CDH4: variants seen among roughly 807,000 people sequenced by gnomAD.
CDH4 encodes the protein cadherin 4.
CDH4 carries 33 observed loss-of-function variants against 86.0 expected under a neutral mutation model. The observed-to-expected ratio is 0.38, with a 90% CI of 0.29 to 0.51. CDH4 has a LOEUF of 0.51. CDH4 is among the 20% of genes least tolerant of loss of function. The pLI is 0.86. For missense variants in CDH4, 1,114 were observed against 1,307.4 expected (o/e 0.85, Z 2.28); for synonymous variants, 555 against 549.4 (o/e 1.01, Z -0.14).
intron 2 of CDH4, among the ~76,000 whole-genome samples, chr20:61,381,364 A>G (rs2084899946): frequency 6.6e-6 from 1 of 152,264 alleles, no homozygotes; most frequent in Non-Finnish European, 1.5e-5. Flanking sequence ...GCAGAAAATC[A>G]TAGACAGCTG....
chr20:61,391,395 C>T (rs2084984817), intron 2 of CDH4, among the ~76,000 whole-genome samples: 2 of 152,104 alleles, frequency 1.3e-5, no homozygotes, highest in African/African-American at 4.8e-5. Context: ...GGGTGACCTG[C>T]TAGCCAGGGC....
intron 2 of CDH4, among the ~76,000 whole-genome samples, chr20:61,541,045 A>G (rs2086035666): frequency 6.6e-6 from 1 of 152,202 alleles, no homozygotes; most frequent in Non-Finnish European, 1.5e-5. Context: ...CCCATTGCTA[A>G]CTAAAATAGC....
At position 61,506,477 on chromosome 20, in the gene CDH4, A is replaced by G. The variant is rs1279909919; in HGVS notation, c.170-237086A>G. On this transcript the variant is annotated intron_variant, in intron 2 of 15. Transcript: ENST00000614565. Reference sequence around the variant, plus strand: ...TGAAGAATACGCTACTGAATACATTACATCGTATCCACATTATTATTATTT... The same window carrying G: ...TGAAGAATACGCTACTGAATACATTGCATCGTATCCACATTATTATTATTT... Among the ~76,000 whole-genome samples the G allele has an allele frequency of 3.9e-5, 6 of 152,274 alleles. No homozygotes were observed. The East Asian group carries it at 1.2e-3, about 29-fold the overall frequency.
At chr20:61,693,018 G>A (rs1018797324) in intron 2 of CDH4, among the ~76,000 whole-genome samples, 18 of 152,136 alleles carry the variant, frequency 1.2e-4, no homozygotes, top group African/African-American at 4.3e-4. Context: ...GCCCCGGGAT[G>A]GAGAGGAGGG....
At chr20:61,260,800 A>G (rs1364814361) in intron 2 of CDH4, among the ~76,000 whole-genome samples, 1 of 152,202 alleles carries the variant, frequency 6.6e-6, no homozygotes, top group African/African-American at 2.4e-5. Context: ...GGTTTCCAGC[A>G]GCTTTTCCCT....
intron 2 of CDH4, among the ~76,000 whole-genome samples, chr20:61,436,029 C>T (rs2085279691): frequency 6.6e-6 from 1 of 152,146 alleles, no homozygotes; most frequent in Non-Finnish European, 1.5e-5. Context: ...TTTGCACATG[C>T]TCTTCCTGCT....
In CDH4 at chr20:61,617,205, A is replaced by G. The variant is rs1264125615; in HGVS notation, c.170-126358A>G. Among the ~76,000 whole-genome samples the G allele has an allele frequency of 2.6e-5, 4 of 152,054 alleles. No individual in the cohort carries two copies. The East Asian group carries it at 7.7e-4, about 29-fold the overall frequency. On this transcript the variant is annotated intron_variant, in intron 2 of 15. Coordinates refer to ENST00000614565, the MANE Select transcript of CDH4 (RefSeq NM_001794.5). The stretch of plus-strand genomic sequence containing the variant: ...CAGAACATGCAGCCTGTCTGAACCC[A>G]TACTTCCCACGCTGTGTCGTGTCTG...
chr20:61,687,111 G>A (rs2087591052), intron 2 of CDH4, among the ~76,000 whole-genome samples: 1 of 152,212 alleles, frequency 6.6e-6, no homozygotes, highest in Non-Finnish European at 1.5e-5. Context: ...GCCCTGGCCA[G>A]TCCCTCAGAC....
chr20:61,906,457 C>T (rs2054789215), intron 8 of CDH4, among the ~76,000 whole-genome samples: 1 of 152,258 alleles, frequency 6.6e-6, no homozygotes, highest in South Asian at 2.1e-4. Flanking sequence ...CATGGTCCTG[C>T]TCAACCCTCC....
chr20:61,317,512 C>T (rs146464659), intron 2 of CDH4, among the ~76,000 whole-genome samples: 298 of 152,258 alleles, frequency 2.0e-3, no homozygotes, highest in African/African-American at 6.7e-3. Flanking sequence ...TCCCAGCTCA[C>T]GTGCCTGCCA....
In CDH4 at chr20:61,697,062, T is replaced by C. The variant is rs139054396; in HGVS notation, c.170-46501T>C. On this transcript the variant is annotated intron_variant, in intron 2 of 15. Transcript: ENST00000614565. ...AGAGCCTTCGGAGGGAGCATGGCCC[T>C]GCACACACCTTGATCTCAGACTTCT... is the stretch of plus-strand genomic sequence containing the variant. Among the ~76,000 whole-genome samples, 1,017 of 152,298 alleles carry C rather than the reference T, an allele frequency of 6.7e-3. 10 individuals carry two copies. Among genetic ancestry groups the C allele is most frequent in the African/African-American group, 0.023 (966 of 41,560 alleles).
At chr20:61,898,129 C>G (rs1985218755) in intron 8 of CDH4, among the ~76,000 whole-genome samples, 1 of 152,176 alleles carries the variant, frequency 6.6e-6, no homozygotes, top group Admixed American at 6.5e-5. Flanking sequence ...CAGGCAGGAG[C>G]CCCGGGACAC....
At chr20:61,586,837 A>C (rs1009290395) in intron 2 of CDH4, among the ~76,000 whole-genome samples, 22 of 152,196 alleles carry the variant, frequency 1.4e-4, no homozygotes, top group Non-Finnish European at 1.5e-5. Context: ...AGAGTAATTA[A>C]ATAACAGTTC....
chr20:61,465,061 T>C (rs1450982912), intron 2 of CDH4, among the ~76,000 whole-genome samples: 1 of 152,196 alleles, frequency 6.6e-6, no homozygotes, highest in Non-Finnish European at 1.5e-5. Flanking sequence ...CCTTCACATT[T>C]AAAAGATGTG....
intron 2 of CDH4, among the ~76,000 whole-genome samples, chr20:61,561,310 C>T (rs571385392): frequency 2.6e-5 from 4 of 152,334 alleles, no homozygotes; most frequent in African/African-American, 9.6e-5. Context: ...AGGGCTTGGC[C>T]CTGTGTTTTC....
chr20:61,390,508 C>T, intron 2 of CDH4, among the ~76,000 whole-genome samples: 1 of 147,278 alleles, frequency 6.8e-6, no homozygotes, highest in South Asian at 2.1e-4. Context: ...GTCTGGGAAA[C>T]CCCAATTGAG....
At chr20:61,806,843 G>T (rs1980166453) in intron 4 of CDH4, among the ~76,000 whole-genome samples, 1 of 152,158 alleles carries the variant, frequency 6.6e-6, no homozygotes, top group South Asian at 2.1e-4. Flanking sequence ...CAGCATCTGG[G>T]GGTGGTGTTT....
intron 2 of CDH4, among the ~76,000 whole-genome samples, chr20:61,280,788 A>G (rs1337693932): frequency 1.3e-5 from 2 of 152,172 alleles, no homozygotes; most frequent in African/African-American, 4.8e-5. Context: ...CGCCGGCCAC[A>G]GCGGCCTCCC....
chr20:61,802,175 A>AC (rs1331684312), intron 4 of CDH4, among the ~76,000 whole-genome samples: 1 of 152,026 alleles, frequency 6.6e-6, no homozygotes, highest in African/African-American at 2.4e-5. Flanking sequence ...GCCCAGGCAG[A>AC]CCCCTCCTCG....
Sources: allele counts gnomAD v4.1 joint callset (sites outside exome capture counted in the v4.1 genomes callset), GRCh38; gene constraint gnomAD v4.1.1; transcripts MANE v1.5; gene names NCBI Gene and HGNC (gene_info 2026-07-23, HGNC 2026-07-21).